Variants in NCKAP5 observed in about 807,000 individuals in gnomAD.
The protein encoded by NCKAP5 is nck-associated protein 5.
A neutral mutation model predicts 167.0 loss-of-function variants in NCKAP5; 92 were observed. That is an observed-to-expected ratio of 0.55 (90% CI 0.47 to 0.66). The LOEUF is 0.66. Ranked by LOEUF, NCKAP5 falls within the 30% of genes least tolerant of loss-of-function variation. The probability of loss-of-function intolerance (pLI) is 0.00; values close to 1 mark genes in which losing one functional copy is unlikely to be tolerated. For missense variants in NCKAP5, 2,378 were observed against 2,315.0 expected, an observed-to-expected ratio of 1.03 and a Z score of -0.56; for synonymous variants, 891 against 877.4, an observed-to-expected ratio of 1.02 and a Z score of -0.27.
intron 3 of NCKAP5, among the ~76,000 whole-genome samples, chr2:133,460,717 A>C (rs769933576): frequency 1.8e-4 from 28 of 152,168 alleles, no homozygotes; most frequent in Non-Finnish European, 3.8e-4. Context: ...AATAGCACCT[A>C]AATCAATTAG....
At chr2:132,892,327 A>G (rs1212704143) in intron 8 of NCKAP5, among the ~76,000 whole-genome samples, 1 of 152,220 alleles carries the variant, frequency 6.6e-6, no homozygotes, top group Non-Finnish European at 1.5e-5. Context: ...TCTGAGCTCA[A>G]GATACAACAC....
chr2:133,631,329 C>T, the NCKAP5 span, among the ~76,000 whole-genome samples: 1 of 152,180 alleles, frequency 6.6e-6, no homozygotes, highest in African/African-American at 2.4e-5. Flanking sequence ...GTCTCTTTAA[C>T]TTATGCAGTG....
At chr2:133,380,023 A>G (rs1161719739) in intron 3 of NCKAP5, among the ~76,000 whole-genome samples, 1 of 152,200 alleles carries the variant, frequency 6.6e-6, no homozygotes, top group East Asian at 1.9e-4. Context: ...AGGGAAAAAA[A>G]TTATTTTTGG....
chr2:133,219,714 A>G (rs1351495728), intron 4 of NCKAP5, among the ~76,000 whole-genome samples: 6 of 151,526 alleles, frequency 4.0e-5, no homozygotes, highest in Admixed American at 3.9e-4. Flanking sequence ...TTTTTTTTTA[A>G]GTAGAATTTG....
chr2:133,546,498 T>A (rs1318193284), intron 2 of NCKAP5, among the ~76,000 whole-genome samples: 1 of 151,214 alleles, frequency 6.6e-6, no homozygotes, highest in East Asian at 1.9e-4. Flanking sequence ...CGCTATAGAG[T>A]TTCAAGGGAT....
chr2:133,283,705 G>A (rs2090009083), intron 4 of NCKAP5, among the ~76,000 whole-genome samples: 1 of 151,452 alleles, frequency 6.6e-6, no homozygotes, highest in Non-Finnish European at 1.5e-5. Context: ...CCACCTCCCA[G>A]GTTCAAGCGA....
chr2:133,213,587 A>C, intron 5 of NCKAP5, 129 bp downstream of exon 5: 1 of 848,166 alleles, frequency 1.2e-6, no homozygotes, highest in South Asian at 1.6e-5. Context: ...TAAATACATC[A>C]TTTGCCAAAA....
chr2:132,913,359 G>C (rs1694603288), intron 8 of NCKAP5, among the ~76,000 whole-genome samples: 3 of 151,874 alleles, frequency 2.0e-5, no homozygotes, highest in African/African-American at 2.4e-5. Flanking sequence ...ATGGAACCTG[G>C]GTCACTATAC....
chr2:133,028,977 C>A (rs12473775), intron 6 of NCKAP5, among the ~76,000 whole-genome samples: 42,751 of 152,100 alleles, frequency 0.28, 7,453 homozygotes, highest in Non-Finnish European at 0.38. Flanking sequence ...CCTTTGCCTT[C>A]CGCCATGATT....
At chr2:133,085,965 G>C (rs1004602488) in intron 6 of NCKAP5, among the ~76,000 whole-genome samples, 2 of 152,142 alleles carry the variant, frequency 1.3e-5, no homozygotes, top group African/African-American at 2.4e-5. Flanking sequence ...AACCAACCAG[G>C]AAGTGCAAAA....
intron 8 of NCKAP5, among the ~76,000 whole-genome samples, chr2:132,880,108 C>T (rs550584073): frequency 1.8e-3 from 272 of 152,114 alleles, no homozygotes; most frequent in African/African-American, 5.8e-3. Flanking sequence ...GATGTCATAA[C>T]GGTAGAGAAT....
chr2:133,657,082 G>A, the NCKAP5 span, among the ~76,000 whole-genome samples: 1 of 152,178 alleles, frequency 6.6e-6, no homozygotes, highest in Non-Finnish European at 1.5e-5. Flanking sequence ...CTTCTCAACT[G>A]GAGATGTCTT....
chr2:133,647,418 A>AGGAAGGAAGGAAGGAG, the NCKAP5 span, among the ~76,000 whole-genome samples: 1 of 121,996 alleles, frequency 8.2e-6, no homozygotes, highest in Non-Finnish European at 1.6e-5. Flanking sequence ...GAAGGAAGGA[A>AGGAAGGAAGGAAGGAG]GAGAAAGAAA....
At chr2:133,096,481 C>T (rs2081347504) in intron 6 of NCKAP5, among the ~76,000 whole-genome samples, 1 of 143,588 alleles carries the variant, frequency 7.0e-6, no homozygotes, top group Non-Finnish European at 1.5e-5. Context: ...GAGTGAGACT[C>T]TGTCTCAAAA....
intron 4 of NCKAP5, among the ~76,000 whole-genome samples, chr2:133,228,461 C>T (rs1218380108): frequency 1.3e-5 from 2 of 152,126 alleles, no homozygotes; most frequent in Non-Finnish European, 2.9e-5. Context: ...TATCTTGACC[C>T]CTTCCTAGTT....
At chr2:133,326,458 CAAA>C (rs34750625) in intron 3 of NCKAP5, among the ~76,000 whole-genome samples, 2 of 48,982 alleles carry the variant, frequency 4.1e-5, no homozygotes, top group Admixed American at 2.5e-4. Flanking sequence ...TCAGTCTCAA[CAAA>C]AAAAAAAAAA....
intron 3 of NCKAP5, among the ~76,000 whole-genome samples, chr2:133,489,990 T>C (rs1011421541): frequency 1.3e-5 from 2 of 152,046 alleles, no homozygotes; most frequent in African/African-American, 4.8e-5. Flanking sequence ...CAAAGGTGGT[T>C]GTGGAGAGGG....
chr2:133,663,176 G>A, the NCKAP5 span, among the ~76,000 whole-genome samples: 5,983 of 151,352 alleles, frequency 0.04, 365 homozygotes, highest in African/African-American at 0.14. Context: ...TGAGGCAGGA[G>A]AATGGCGTGA....
At chr2:133,456,420 G>A (rs1296768674) in intron 3 of NCKAP5, among the ~76,000 whole-genome samples, 2 of 152,076 alleles carry the variant, frequency 1.3e-5, no homozygotes, top group Non-Finnish European at 2.9e-5. Context: ...GTCATATTGT[G>A]ACCTGAAGTG....
Sources: gnomAD v4.1 joint callset for allele counts (sites outside exome capture counted in the v4.1 genomes callset) on GRCh38, gnomAD v4.1.1 for gene constraint, MANE v1.5 for transcripts, NCBI Gene and HGNC (gene_info 2026-07-23, HGNC 2026-07-21) for gene names.